Variants in RASGRF2 observed in about 807,000 individuals in gnomAD.
RASGRF2 encodes the protein ras-specific guanine nucleotide-releasing factor 2.
RASGRF2 carries 76 observed loss-of-function variants against 151.0 expected under a neutral mutation model. The observed-to-expected ratio is 0.50, with a 90% CI of 0.42 to 0.61. The LOEUF is 0.61. Among genes scored for constraint, RASGRF2 ranks in the 20% least tolerant of loss-of-function variants. RASGRF2 has a pLI of 0.00. For missense variants in RASGRF2, 1,148 were observed against 1,564.6 expected (o/e 0.73, Z 4.49); for synonymous variants, 504 against 566.5 (o/e 0.89, Z 1.57).
chr5:80,972,165 T>C (rs1302873319), intron 1 of RASGRF2, among the ~76,000 whole-genome samples: 1 of 152,232 alleles, frequency 6.6e-6, no homozygotes, highest in East Asian at 1.9e-4. Flanking sequence ...AGCCTTTTGG[T>C]GTACATACAT....
At chr5:81,060,103 C>G (rs1164641373) in intron 2 of RASGRF2, among the ~76,000 whole-genome samples, 1 of 152,198 alleles carries the variant, frequency 6.6e-6, no homozygotes, top group Non-Finnish European at 1.5e-5. Flanking sequence ...AACTCATTCA[C>G]TGTCTTGAGG....
intron 18 of RASGRF2, among the ~76,000 whole-genome samples, chr5:81,181,849 T>G (rs1754924047): frequency 6.6e-6 from 1 of 152,138 alleles, no homozygotes; most frequent in Non-Finnish European, 1.5e-5. Context: ...CAATCCCCAG[T>G]GCCCTCTTTT....
chr5:81,004,827 A>G (rs1283946472), intron 1 of RASGRF2, among the ~76,000 whole-genome samples: 2 of 152,236 alleles, frequency 1.3e-5, no homozygotes, highest in Non-Finnish European at 2.9e-5. Context: ...CCTGATTGAA[A>G]TGATAATCTA....
intron 1 of RASGRF2, among the ~76,000 whole-genome samples, chr5:81,004,070 C>T (rs920249069): frequency 6.6e-6 from 1 of 152,188 alleles, no homozygotes; most frequent in African/African-American, 2.4e-5. Context: ...AGGGTCCCTG[C>T]CCCAGAGCTG....
chr5:81,216,684 A>G (rs527441786), intron 24 of RASGRF2, among the ~76,000 whole-genome samples: 4 of 152,330 alleles, frequency 2.6e-5, no homozygotes, highest in African/African-American at 9.6e-5. Context: ...ACAGAAGAGG[A>G]AACTGCAGTT....
At chr5:81,087,088 G>A (rs775369875) in intron 9 of RASGRF2, 135 bp downstream of exon 9, 4 of 822,100 alleles carry the variant, frequency 4.9e-6, no homozygotes, top group South Asian at 2.8e-5. Flanking sequence ...CCTTCGCCGA[G>A]GCGGTGGTTG....
chr5:81,165,981 G>A (rs957394647), intron 17 of RASGRF2, among the ~76,000 whole-genome samples: 10 of 152,032 alleles, frequency 6.6e-5, no homozygotes, highest in Non-Finnish European at 1.3e-4. Flanking sequence ...AGGTCCACCT[G>A]ATATATCTCA....
At chr5:80,986,289 A>G (rs1748470405) in intron 1 of RASGRF2, among the ~76,000 whole-genome samples, 1 of 152,206 alleles carries the variant, frequency 6.6e-6, no homozygotes, top group African/African-American at 2.4e-5. Context: ...ATGGAGTTAA[A>G]TGCTACCTTC....
At position 81,012,346 on chromosome 5, in the gene RASGRF2, C is replaced by G. The variant is rs1326674006; in HGVS notation, c.289-30531C>G. 2.0e-5 allele frequency among the ~76,000 whole-genome samples: 3 copies of G among 152,046 alleles called. No individual in the cohort carries two copies. The East Asian group carries it at 5.8e-4, about 29-fold the overall frequency. ...GATTCATTCATGTTGTTGTACGTAT[C>G]AGTAGTTATTTTTCTTGCTGAACAG... On this transcript the variant is annotated intron_variant, in intron 1 of 26. Transcript: ENST00000265080.
At chr5:81,087,627 G>C in intron 9 of RASGRF2, 3 of 507,670 alleles carry the variant, frequency 5.9e-6, no homozygotes, top group Non-Finnish European at 1.0e-5. Context: ...ATTTCTCCTC[G>C]GCTGTTATTT....
chr5:81,193,937 C>G (rs891894201), intron 18 of RASGRF2, among the ~76,000 whole-genome samples: 1 of 152,174 alleles, frequency 6.6e-6, no homozygotes, highest in Admixed American at 6.5e-5. Context: ...ACTGTCTGAC[C>G]TTGGATAAGA....
At chr5:81,038,560 A>G (rs1750579239) in intron 1 of RASGRF2, among the ~76,000 whole-genome samples, 1 of 143,704 alleles carries the variant, frequency 7.0e-6, no homozygotes, top group African/African-American at 2.6e-5. Context: ...TGATTTGTAA[A>G]TATTTGCTTT....
chr5:80,987,518 G>A (rs990780353), intron 1 of RASGRF2, among the ~76,000 whole-genome samples: 6 of 152,102 alleles, frequency 3.9e-5, no homozygotes, highest in African/African-American at 1.4e-4. Flanking sequence ...TAAGTGCTGG[G>A]TGATTTGTAG....
At chr5:81,034,361 C>G (rs1750386964) in intron 1 of RASGRF2, among the ~76,000 whole-genome samples, 1 of 152,112 alleles carries the variant, frequency 6.6e-6, no homozygotes, top group Non-Finnish European at 1.5e-5. Context: ...GGACGGTAAA[C>G]TAGTTCAACC....
intron 1 of RASGRF2, among the ~76,000 whole-genome samples, chr5:81,036,641 A>G (rs1303493056): frequency 6.6e-6 from 1 of 152,122 alleles, no homozygotes; most frequent in South Asian, 2.1e-4. Flanking sequence ...ACTTAAGGAC[A>G]TTGTATACCT....
At chr5:81,118,911 GCC>G (rs1221010738) in intron 15 of RASGRF2, among the ~76,000 whole-genome samples, 3 of 152,106 alleles carry the variant, frequency 2.0e-5, no homozygotes, top group African/African-American at 7.2e-5. Flanking sequence ...TGGCTTTTAT[GCC>G]AGTTTTCAAC....
intron 1 of RASGRF2, among the ~76,000 whole-genome samples, chr5:80,999,686 C>T (rs1049509672): frequency 7.2e-5 from 11 of 151,974 alleles, no homozygotes; most frequent in Non-Finnish European, 1.2e-4. Flanking sequence ...TCATTCTGGG[C>T]GTGGGTGGAA....
intron 2 of RASGRF2, 57 bp from the exon 3 acceptor site, chr5:81,067,975 G>T: frequency 7.3e-7 from 1 of 1,369,998 alleles, no homozygotes; most frequent in Non-Finnish European, 9.8e-7. Context: ...TATTCTATAT[G>T]GAACTCTATA....
At chr5:81,222,996 T>TA (rs1755886791) in intron 26 of RASGRF2, among the ~76,000 whole-genome samples, 1 of 152,092 alleles carries the variant, frequency 6.6e-6, no homozygotes, top group African/African-American at 2.4e-5. Flanking sequence ...AAATGTAATA[T>TA]AAAAAACCTC....
Sources: gnomAD v4.1 joint callset for allele counts (sites outside exome capture counted in the v4.1 genomes callset) on GRCh38, gnomAD v4.1.1 for gene constraint, MANE v1.5 for transcripts, NCBI Gene and HGNC (gene_info 2026-07-23, HGNC 2026-07-21) for gene names.